Variants in UQCC1 observed in about 807,000 individuals in gnomAD.
UQCC1 encodes the protein bFGF-repressed Zic-binding protein.
Under a neutral mutation model 48.0 loss-of-function variants are expected in UQCC1, and 38 were observed. The ratio of observed to expected loss-of-function variants is 0.79; its 90% CI spans 0.61 to 1.04. The LOEUF (loss-of-function observed/expected upper bound fraction) is 1.04. UQCC1 is among the 50% of genes least tolerant of loss of function. UQCC1 has a pLI of 0.00. For synonymous variants in UQCC1, 111 were observed against 129.2 expected, an observed-to-expected ratio of 0.86 and a Z score of 0.95; for missense variants, 368 against 381.8, an observed-to-expected ratio of 0.96 and a Z score of 0.30.
Position 35,303,189 on chromosome 20 carries a change from CTT to C in UQCC1, c.*744_*745del, listed in dbSNP as rs1269872145. ...AGTTCACTGGGAGTGACAAAGGTGACTTTGTTCTCAAGGCCTCCTTCCAAATG... is the reference window on the plus strand; with the variant it reads ...AGTTCACTGGGAGTGACAAAGGTGACTGTTCTCAAGGCCTCCTTCCAAATG... On this transcript the variant is annotated 3_prime_UTR_variant, in exon 10 of 10. Coordinates refer to ENST00000374385, the MANE Select transcript of UQCC1 (RefSeq NM_018244.5). 2 of 152,240 alleles carry C rather than the reference CTT, an allele frequency of 1.3e-5. No individual in the cohort carries two copies. Among genetic ancestry groups the C allele is most frequent in the Non-Finnish European group, 2.9e-5 (2 of 68,050 alleles). The allele number at this position is 152,240 out of a possible 1,614,324, so 9.4% of individuals were successfully genotyped here.
chr20:35,357,258 C>T (rs933990718), intron 6 of UQCC1, among the ~76,000 whole-genome samples: 43 of 151,788 alleles, frequency 2.8e-4, no homozygotes, highest in South Asian at 2.3e-3. Flanking sequence ...CAGTGGCTCA[C>T]GCCTGTAATC....
intron 1 of UQCC1, among the ~76,000 whole-genome samples, chr20:35,410,454 C>T (rs2062332365): frequency 6.6e-6 from 1 of 151,208 alleles, no homozygotes; most frequent in Admixed American, 6.6e-5. Context: ...ACTGCTTGAA[C>T]CCAGGAGGCA....
intron 2 of UQCC1, among the ~76,000 whole-genome samples, chr20:35,385,179 C>A (rs1265593120): frequency 6.6e-6 from 1 of 152,120 alleles, no homozygotes; most frequent in Non-Finnish European, 1.5e-5. Context: ...GGAAAACTTA[C>A]TGAACCTCAG....
Position 35,303,584 on chromosome 20 carries a change from GT to G in UQCC1, c.*350del. 1 of 236,726 alleles carries G rather than the reference GT, an allele frequency of 4.2e-6. No homozygotes were observed. The highest frequency in any genetic ancestry group is 8.5e-6 in the Non-Finnish European group (1 of 117,830). The allele number at this position is 236,726 out of a possible 1,614,324, so 14.7% of individuals were successfully genotyped here. On this transcript the variant is annotated 3_prime_UTR_variant, in exon 10 of 10. Coordinates refer to ENST00000374385, the MANE Select transcript of UQCC1 (RefSeq NM_018244.5). ...CCTAGGCCACAGCAGGCCCTGGGGG[GT>G]TTCCCTTTTGAACCTACACCATCCC...
intron 8 of UQCC1, among the ~76,000 whole-genome samples, chr20:35,311,105 G>C (rs181879897): frequency 6.6e-6 from 1 of 152,090 alleles, no homozygotes; most frequent in Non-Finnish European, 1.5e-5. Context: ...CCAAGACTCA[G>C]CTACTGCCCT....
intron 6 of UQCC1, among the ~76,000 whole-genome samples, chr20:35,348,421 G>A (rs941667472): frequency 6.6e-6 from 1 of 151,958 alleles, no homozygotes; most frequent in African/African-American, 2.4e-5. Context: ...ACGGAGTCTC[G>A]CTCTGTCACC....
At chr20:35,306,960 C>T in intron 8 of UQCC1, 181 bp from the exon 9 acceptor site, 1 of 649,248 alleles carries the variant, frequency 1.5e-6, no homozygotes, top group Admixed American at 2.1e-5. Flanking sequence ...GGTATCTGGC[C>T]CAATCCCTTC....
chr20:35,357,076 T>C (rs2061554114), intron 6 of UQCC1, among the ~76,000 whole-genome samples: 3 of 152,330 alleles, frequency 2.0e-5, no homozygotes, highest in African/African-American at 7.2e-5. Flanking sequence ...GACTGAAGTA[T>C]GTTGAATGGT....
chr20:35,354,953 T>C (rs1314423927), intron 6 of UQCC1, among the ~76,000 whole-genome samples: 4 of 152,072 alleles, frequency 2.6e-5, no homozygotes, highest in African/African-American at 9.7e-5. Flanking sequence ...CCCAAAAGAC[T>C]TCCAATATTA....
intron 2 of UQCC1, chr20:35,392,239 AGG>A (rs1490981548): frequency 7.7e-7 from 1 of 1,304,290 alleles, no homozygotes; most frequent in South Asian, 1.2e-5. Context: ...CATGTACCTG[AGG>A]ATGCCATTCT....
chr20:35,373,663 G>C lies in UQCC1; in HGVS notation c.406+521C>G, dbSNP rs939163395. Among the ~76,000 whole-genome samples the C allele has an allele frequency of 2.0e-5, 3 of 147,314 alleles. No homozygotes were observed. In the Admixed American group the frequency reaches 2.0e-4, roughly 10 times the overall value. On this transcript the variant is annotated intron_variant, in intron 5 of 9. Transcript: ENST00000374385. ...GATCGTACCACTGCACTCCGGCCTG[G>C]GCTAATAGAGCAAGACTCCATCTCA... is the stretch of plus-strand genomic sequence containing the variant.
At chr20:35,340,912 AT>A (rs2061369621) in intron 7 of UQCC1, among the ~76,000 whole-genome samples, 1 of 152,160 alleles carries the variant, frequency 6.6e-6, no homozygotes, top group Non-Finnish European at 1.5e-5. Flanking sequence ...CTAAAATGTA[AT>A]GCCTTTGTTA....
At chr20:35,375,193 CA>C in intron 4 of UQCC1, among the ~76,000 whole-genome samples, 1 of 152,102 alleles carries the variant, frequency 6.6e-6, no homozygotes, top group East Asian at 1.9e-4. Flanking sequence ...AATGACATAG[CA>C]ACTGAAGAAA....
rs1417095619 is a variant in UQCC1 at position 35,303,060 on chromosome 20, G to A, written c.*875C>T. 1 of 152,244 alleles carries A rather than the reference G, an allele frequency of 6.6e-6. No individual in the cohort carries two copies. Among genetic ancestry groups the A allele is most frequent in the East Asian group, 1.9e-4 (1 of 5,188 alleles). The allele number at this position is 152,244 out of a possible 1,614,324, so 9.4% of individuals were successfully genotyped here. A position where few individuals can be genotyped will look rare whatever the true frequency, so the allele number is the denominator to read the frequency against. ...AGTTGGGAAGGGGGACCAAAGCTGG[G>A]CACAGGTCTGGGTCTGCTACAACTA... is the stretch of plus-strand genomic sequence containing the variant. On this transcript the variant is annotated 3_prime_UTR_variant, in exon 10 of 10. Transcript: ENST00000374385.
chr20:35,379,964 G>A (rs1168879032), intron 4 of UQCC1, among the ~76,000 whole-genome samples: 2 of 152,026 alleles, frequency 1.3e-5, no homozygotes, highest in African/African-American at 2.4e-5. Context: ...AAGAGCAAAG[G>A]AATTTTCCTG....
intron 7 of UQCC1, among the ~76,000 whole-genome samples, chr20:35,340,950 G>C (rs1030365705): frequency 6.6e-6 from 1 of 152,028 alleles, no homozygotes; most frequent in Non-Finnish European, 1.5e-5. Context: ...TACCAGCCGG[G>C]GGTGGTGGTG....
At chr20:35,317,669 C>A (rs1179244954) in intron 7 of UQCC1, among the ~76,000 whole-genome samples, 1 of 152,192 alleles carries the variant, frequency 6.6e-6, no homozygotes, top group East Asian at 1.9e-4. Flanking sequence ...GTCATAGGAA[C>A]CATGTCTGAT....
chr20:35,329,090 T>C (rs1336755812), intron 7 of UQCC1, among the ~76,000 whole-genome samples: 1 of 152,226 alleles, frequency 6.6e-6, no homozygotes, highest in East Asian at 1.9e-4. Context: ...ATACATTCAA[T>C]ATTGCCTTCA....
At chr20:35,378,473 T>C (rs1260525690) in intron 4 of UQCC1, among the ~76,000 whole-genome samples, 3 of 151,794 alleles carry the variant, frequency 2.0e-5, no homozygotes, top group Non-Finnish European at 4.4e-5. Context: ...CTACTAAAAA[T>C]ACAAAAATTA....
Sources: allele counts gnomAD v4.1 joint callset (sites outside exome capture counted in the v4.1 genomes callset), GRCh38; gene constraint gnomAD v4.1.1; transcripts MANE v1.5; gene names NCBI Gene and HGNC (gene_info 2026-07-23, HGNC 2026-07-21).